The following ZMAT4 variants were observed in gnomAD, a reference collection of about 807,000 sequenced individuals.
ZMAT4 encodes zinc finger matrin-type 4.
A neutral mutation model predicts 28.7 loss-of-function variants in ZMAT4; 17 were observed. That is an observed-to-expected ratio of 0.59 (90% confidence interval 0.41 to 0.89). The LOEUF (loss-of-function observed/expected upper bound fraction) is 0.89. Among genes scored for constraint, ZMAT4 ranks in the 40% least tolerant of loss-of-function variants. The pLI is 0.00. For missense variants in ZMAT4, 240 were observed against 283.8 expected (o/e 0.85, Z 1.11); for synonymous variants, 117 against 109.2 (o/e 1.07, Z -0.44).
At chr8:40,708,571 T>TCTCTC (rs1810463131) in intron 3 of ZMAT4, among the ~76,000 whole-genome samples, 8 of 121,034 alleles carry the variant, frequency 6.6e-5, no homozygotes, top group Non-Finnish European at 1.0e-4. Flanking sequence ...TACACACTCT[T>TCTCTC]TCTCTCTCTC....
At chr8:40,587,123 A>G (rs920963855) in intron 5 of ZMAT4, among the ~76,000 whole-genome samples, 1 of 152,032 alleles carries the variant, frequency 6.6e-6, no homozygotes, top group Non-Finnish European at 1.5e-5. Flanking sequence ...AGAAAAAAAA[A>G]AAAGGAAAAA....
At chr8:40,749,031 T>C (rs1812354337) in intron 3 of ZMAT4, among the ~76,000 whole-genome samples, 1 of 152,174 alleles carries the variant, frequency 6.6e-6, no homozygotes, top group South Asian at 2.1e-4. Context: ...GTAACCCCTT[T>C]CACTTGATTC....
At chr8:40,760,736 G>T (rs201977829) in intron 3 of ZMAT4, among the ~76,000 whole-genome samples, 2 of 48,522 alleles carry the variant, frequency 4.1e-5, no homozygotes, top group African/African-American at 1.5e-4. Flanking sequence ...CTCTCTCTCT[G>T]TCATGCTCTC....
At chr8:40,534,541 T>C (rs187789341) in intron 6 of ZMAT4, among the ~76,000 whole-genome samples, 147 of 152,292 alleles carry the variant, frequency 9.7e-4, no homozygotes, top group African/African-American at 3.5e-3. Context: ...TAAATATGAT[T>C]CCATCTGAAG....
At chr8:40,662,585 C>T (rs1372249812) in intron 5 of ZMAT4, among the ~76,000 whole-genome samples, 1 of 152,096 alleles carries the variant, frequency 6.6e-6, no homozygotes, top group African/African-American at 2.4e-5. Flanking sequence ...GAGAGTGTTC[C>T]ATTTATTAGC....
At chr8:40,800,862 A>G (rs1814802006) in intron 2 of ZMAT4, among the ~76,000 whole-genome samples, 1 of 152,192 alleles carries the variant, frequency 6.6e-6, no homozygotes, top group Non-Finnish European at 1.5e-5. Flanking sequence ...AAAAAAATTA[A>G]ATTCAAAGCA....
At chr8:40,742,239 C>A (rs1006785766) in intron 3 of ZMAT4, among the ~76,000 whole-genome samples, 9 of 151,566 alleles carry the variant, frequency 5.9e-5, no homozygotes, top group African/African-American at 1.5e-4. Flanking sequence ...CAGAGTGAGA[C>A]CCTGTCTCGA....
At chr8:40,845,889 GACA>G (rs1180004439) in intron 1 of ZMAT4, among the ~76,000 whole-genome samples, 3 of 151,558 alleles carry the variant, frequency 2.0e-5, no homozygotes, top group African/African-American at 7.3e-5. Flanking sequence ...GGCCCCAAAA[GACA>G]ACAAGATGTC....
chr8:40,863,283 G>GA (rs34669807), intron 1 of ZMAT4, among the ~76,000 whole-genome samples: 4,246 of 148,170 alleles, frequency 0.029, 93 homozygotes, highest in South Asian at 0.084. Context: ...TCAGAAAGGA[G>GA]AAAAAAAAAA....
chr8:40,794,388 T>C (rs1036585220), intron 2 of ZMAT4, among the ~76,000 whole-genome samples: 3 of 152,174 alleles, frequency 2.0e-5, no homozygotes, highest in Admixed American at 1.3e-4. Context: ...TGACTACTCA[T>C]TGAAACCTAG....
At chr8:40,855,457 T>A (rs1300310569) in intron 1 of ZMAT4, among the ~76,000 whole-genome samples, 1 of 151,992 alleles carries the variant, frequency 6.6e-6, no homozygotes, top group Non-Finnish European at 1.5e-5. Context: ...TCCACAAAAC[T>A]CCACAGGTTC....
At chr8:40,765,410 A>G (rs958183704) in intron 3 of ZMAT4, among the ~76,000 whole-genome samples, 8 of 152,262 alleles carry the variant, frequency 5.3e-5, no homozygotes, top group African/African-American at 1.9e-4. Flanking sequence ...CAGTGTAACA[A>G]AAGCATCAAC....
At chr8:40,687,750 T>G (rs1209059823) in intron 4 of ZMAT4, among the ~76,000 whole-genome samples, 1 of 152,178 alleles carries the variant, frequency 6.6e-6, no homozygotes, top group Non-Finnish European at 1.5e-5. Context: ...TCAGCATTCT[T>G]GATATATTAG....
intron 3 of ZMAT4, among the ~76,000 whole-genome samples, chr8:40,707,315 C>A (rs1810404873): frequency 6.7e-6 from 1 of 149,376 alleles, no homozygotes; most frequent in African/African-American, 2.5e-5. Flanking sequence ...CATCTCTAAC[C>A]CCCAGCACAG....
intron 5 of ZMAT4, among the ~76,000 whole-genome samples, chr8:40,664,456 G>A (rs746064848): frequency 6.6e-5 from 10 of 152,184 alleles, no homozygotes; most frequent in Non-Finnish European, 1.2e-4. Context: ...CATGATCCAA[G>A]TATAATTTCC....
intron 4 of ZMAT4, among the ~76,000 whole-genome samples, chr8:40,686,203 G>A (rs1440671218): frequency 1.3e-5 from 2 of 151,900 alleles, no homozygotes; most frequent in Non-Finnish European, 2.9e-5. Context: ...TAATTCTACA[G>A]AAGTCTATGT....
chr8:40,759,452 C>A (rs1320999832), intron 3 of ZMAT4, among the ~76,000 whole-genome samples: 1 of 152,064 alleles, frequency 6.6e-6, no homozygotes, highest in Non-Finnish European at 1.5e-5. Flanking sequence ...GGGATTAGTA[C>A]CCTCACAAAA....
At chr8:40,535,378 G>T (rs1802813503) in intron 6 of ZMAT4, among the ~76,000 whole-genome samples, 1 of 152,034 alleles carries the variant, frequency 6.6e-6, no homozygotes, top group Non-Finnish European at 1.5e-5. Flanking sequence ...CATTGAAAAT[G>T]GTCTCACCTT....
rs953557694 is a variant in ZMAT4, at chr8:40,651,127, A to G, written c.577+23577T>C. Among the ~76,000 whole-genome samples, 358 of 152,226 alleles carry G rather than the reference A, an allele frequency of 2.4e-3. 3 individuals carry two copies. Among genetic ancestry groups the G allele is most frequent in the African/African-American group, 8.2e-3 (342 of 41,542 alleles). On this transcript the variant is annotated intron_variant, in intron 5 of 6. Coordinates refer to ENST00000297737, the MANE Select transcript of ZMAT4 (RefSeq NM_024645.3). ...AAGGGTATTCAGTTAGGAAAAGAGG[A>G]AGTCAAATTGTCCCTGTTTGCAGAC...
Sources: allele counts gnomAD v4.1 joint callset (sites outside exome capture counted in the v4.1 genomes callset), GRCh38; gene constraint gnomAD v4.1.1; transcripts MANE v1.5; gene names NCBI Gene and HGNC (gene_info 2026-07-23, HGNC 2026-07-21).